The following SARDH variants were observed in gnomAD, a reference collection of about 807,000 sequenced individuals.
SARDH encodes the protein sarcosine dehydrogenase, mitochondrial.
Under a neutral mutation model 109.1 loss-of-function variants are expected in SARDH, and 95 were observed. That is an observed-to-expected ratio of 0.87 (90% CI 0.74 to 1.03). SARDH has a LOEUF of 1.03. SARDH is among the 50% of genes least tolerant of loss of function. The pLI is 0.00. For missense variants in SARDH, 1,267 were observed against 1,287.8 expected (o/e 0.98, Z 0.25); for synonymous variants, 572 against 534.8 (o/e 1.07, Z -0.96).
rs1832298445 is a variant in SARDH, at chr9:133,720,780, A to C, written c.916-1738T>G. 2.0e-5 allele frequency among the ~76,000 whole-genome samples: 3 copies of C among 152,202 alleles called. 1 individual carries two copies. The highest frequency in any genetic ancestry group is 7.2e-5 in the African/African-American group (3 of 41,448). On this transcript the variant is annotated intron_variant, in intron 6 of 20. Transcript: ENST00000439388. Reference sequence around the variant, plus strand: ...TTATCTCCACCTGGCCCCACCCTTGACACATGGGGATTATTACGATTCAAG... The same window carrying C: ...TTATCTCCACCTGGCCCCACCCTTGCCACATGGGGATTATTACGATTCAAG...
intron 17 of SARDH, among the ~76,000 whole-genome samples, chr9:133,676,034 T>A (rs574695111): frequency 1.2e-4 from 18 of 151,850 alleles, no homozygotes; most frequent in African/African-American, 4.4e-4. Flanking sequence ...GTTGAGGCAG[T>A]GAGCTGAGAT....
rs1339451604 is a variant in SARDH at position 133,718,164 on chromosome 9, C to T, written c.1021-709G>A. ...TCGGCTCACTGCCACCTCCATCTCC[C>T]GGGTTCAAGTGATTCTCCTGCCTCA... On this transcript the variant is annotated intron_variant, in intron 7 of 20. Transcript: ENST00000439388. The surrounding 1 kb of genome is among the most constrained non-coding windows in gnomAD (Gnocchi z 4.2). Among the ~76,000 whole-genome samples the T allele has an allele frequency of 3.3e-5, 5 of 152,134 alleles. No individual in the cohort carries two copies. The highest frequency in any genetic ancestry group is 9.7e-5 in the African/African-American group (4 of 41,432).
At chr9:133,668,376 T>TC (rs1239377580) in intron 19 of SARDH, among the ~76,000 whole-genome samples, 3 of 75,862 alleles carry the variant, frequency 4.0e-5, no homozygotes, top group African/African-American at 1.2e-4. Flanking sequence ...ACCCTCATTC[T>TC]CCCTCAGCCT....
At chr9:133,664,120 T>A in intron 20 of SARDH, 106 bp from the exon 21 acceptor site, 1 of 1,443,542 alleles carries the variant, frequency 6.9e-7, no homozygotes, top group Non-Finnish European at 9.3e-7. Flanking sequence ...ACCTGCCCTG[T>A]GGGCAAACTC....
chr9:133,702,731 G>A (rs1468448817), intron 13 of SARDH, among the ~76,000 whole-genome samples, 185 bp downstream of exon 13: 1 of 152,222 alleles, frequency 6.6e-6, no homozygotes, highest in African/African-American at 2.4e-5. Context: ...ACAGAGGGAG[G>A]AGGGGGAGAG....
At chr9:133,722,800 G>A (rs569006911) in intron 6 of SARDH, among the ~76,000 whole-genome samples, 192 of 152,074 alleles carry the variant, frequency 1.3e-3, no homozygotes, top group African/African-American at 4.2e-3. Flanking sequence ...TCAGCCTACC[G>A]AGTAGCTGGG....
chr9:133,703,109 G>A, intron 12 of SARDH, 80 bp from the exon 13 acceptor site: 1 of 1,261,738 alleles, frequency 7.9e-7, no homozygotes, highest in Non-Finnish European at 1.1e-6. Flanking sequence ...TCCCGCTGAG[G>A]CTGTGATGGG....
In SARDH at chr9:133,728,318, G is replaced by C. The variant is rs1832563209; in HGVS notation, c.915+1447C>G. Among the ~76,000 whole-genome samples, 1 of 152,148 alleles carries C rather than the reference G, an allele frequency of 6.6e-6. No homozygotes were observed. The highest frequency in any genetic ancestry group is 1.5e-5 in the Non-Finnish European group (1 of 68,004). On this transcript the variant is annotated intron_variant, in intron 6 of 20. Transcript: ENST00000439388. This position sits in a 1 kb window ranked among gnomAD's most constrained non-coding sequence, Gnocchi z 5.0. ...GCCTGGTACCTCCCCGGTGACCATAGGGAAGCCAGGCTGGCACAGGGTGGC... is the reference window on the plus strand; with the variant it reads ...GCCTGGTACCTCCCCGGTGACCATACGGAAGCCAGGCTGGCACAGGGTGGC...
intron 6 of SARDH, among the ~76,000 whole-genome samples, chr9:133,722,671 CTCTCTCTT>C (rs1252723673): frequency 8.0e-6 from 1 of 125,256 alleles, no homozygotes; most frequent in South Asian, 2.6e-4. Context: ...CTCTCTCTCT[CTCTCTCTT>C]TCTCTCTTTC....
At chr9:133,662,289 C>T (rs896082397), downstream of SARDH, among the ~76,000 whole-genome samples, 1 of 152,078 alleles carries the variant, frequency 6.6e-6, no homozygotes, top group African/African-American at 2.4e-5. The surrounding 1 kb of genome is among the most constrained non-coding windows in gnomAD (Gnocchi z 5.1). Context: ...TCTGACCTCC[C>T]CTCATCCTCA....
rs1320049084 is a variant in SARDH, at chr9:133,686,550, C to T, written c.2070-1264G>A. ...CCAATGCATCCACCCCCAGGAGCTC[C>T]GTGCCAACAGCATCCCCCTATCCCA... is the stretch of plus-strand genomic sequence containing the variant. On this transcript the variant is annotated intron_variant, in intron 16 of 20. Coordinates refer to ENST00000439388, the MANE Select transcript of SARDH (RefSeq NM_001134707.2). This position sits in a 1 kb window ranked among gnomAD's most constrained non-coding sequence, Gnocchi z 4.0. 3.3e-5 allele frequency among the ~76,000 whole-genome samples: 5 copies of T among 152,090 alleles called. No homozygotes were observed. The highest frequency in any genetic ancestry group is 9.6e-5 in the African/African-American group (4 of 41,500).
At chr9:133,732,384 C>CCCA in intron 3 of SARDH, 39 bp downstream of exon 3, 7 of 1,237,596 alleles carry the variant, frequency 5.7e-6, no homozygotes, top group South Asian at 1.2e-5. Context: ...ACCCACCCAC[C>CCCA]CAAGCCCCCC....
At chr9:133,670,903 C>A in intron 18 of SARDH, 151 bp from the exon 19 acceptor site, 1 of 1,187,562 alleles carries the variant, frequency 8.4e-7, no homozygotes, top group East Asian at 2.9e-5. Flanking sequence ...CAGGGGCATC[C>A]CCAACTCCAG....
intron 6 of SARDH, among the ~76,000 whole-genome samples, chr9:133,726,390 A>AATAATAATAATAATAATG (rs1401832170): frequency 1.3e-4 from 19 of 147,176 alleles, no homozygotes; most frequent in African/African-American, 4.0e-4. Flanking sequence ...TAATAATAAT[A>AATAATAATAATAATAATG]ATAATAGTAG....
chr9:133,689,828 C>A (rs1029615585), intron 16 of SARDH, among the ~76,000 whole-genome samples: 3 of 152,190 alleles, frequency 2.0e-5, no homozygotes, highest in African/African-American at 7.2e-5. Flanking sequence ...GCCCAAGACT[C>A]TTCTGTGGCT....
At chr9:133,734,323 C>T (rs947641423) in intron 1 of SARDH, 120 bp from the exon 2 acceptor site, 1 of 496,850 alleles carries the variant, frequency 2.0e-6, no homozygotes, top group South Asian at 4.5e-5. Flanking sequence ...TTGCCACTTC[C>T]CCATGGCATT....
Position 133,737,988 on chromosome 9 carries a change from C to G in SARDH, c.-31+266G>C, listed in dbSNP as rs75882255. Among the ~76,000 whole-genome samples, 1,449 of 152,346 alleles carry G rather than the reference C, an allele frequency of 9.5e-3. 25 individuals carry two copies. Among genetic ancestry groups the G allele is most frequent in the African/African-American group, 0.033 (1,390 of 41,576 alleles). ...GCAGAGGACCCAGGAACGCCCTCCT[C>G]CTCCCAGGCTCAGGGGGTGGTGGGG... On this transcript the variant is annotated intron_variant, in intron 1 of 20. Coordinates refer to ENST00000439388, the MANE Select transcript of SARDH (RefSeq NM_001134707.2).
At chr9:133,739,567 G>A (rs1832992463), upstream of SARDH, 1 of 152,348 alleles carries the variant, frequency 6.6e-6, no homozygotes, top group Non-Finnish European at 1.5e-5. Context: ...TAGAGGAGGG[G>A]GCCTGGGCTC....
In SARDH at chr9:133,704,557, A is replaced by G. The variant is rs575789266; in HGVS notation, c.1554+391T>C. On this transcript the variant is annotated intron_variant, in intron 12 of 20. Transcript: ENST00000439388. This position sits in a 1 kb window ranked among gnomAD's most constrained non-coding sequence, Gnocchi z 4.5. ...TGCCCTCCTACGGACATAAACCAAC[A>G]GTCGGAGTGGCCAAAAATAGATGCA... Among the ~76,000 whole-genome samples, 3 of 152,136 alleles carry G rather than the reference A, an allele frequency of 2.0e-5. No homozygotes were observed. The highest frequency in any genetic ancestry group is 4.4e-5 in the Non-Finnish European group (3 of 68,018).
Sources: allele counts gnomAD v4.1 joint callset (sites outside exome capture counted in the v4.1 genomes callset), GRCh38; gene constraint gnomAD v4.1.1; non-coding constraint Gnocchi (gnomAD v3.1); transcripts MANE v1.5; gene names NCBI Gene and HGNC (gene_info 2026-07-23, HGNC 2026-07-21).